Variants in PANK1 observed in about 807,000 individuals in gnomAD.
PANK1 encodes the protein pantothenate kinase 1, also known as pantothenic acid kinase 1.
In PANK1, 18 loss-of-function variants were observed where a neutral mutation model predicts 40.1. The ratio of observed to expected loss-of-function variants is 0.45; its 90% CI spans 0.31 to 0.67. The LOEUF (loss-of-function observed/expected upper bound fraction) is 0.67. Among genes scored for constraint, PANK1 ranks in the 30% least tolerant of loss-of-function variants. PANK1 has a pLI of 0.06. For synonymous variants in PANK1, 242 were observed against 237.7 expected (o/e 1.02, Z -0.17); for missense variants, 457 against 599.6 (o/e 0.76, Z 2.48).
At chr10:89,580,590 C>T (rs759235518), downstream of PANK1, 6 of 152,314 alleles carry the variant, frequency 3.9e-5, no homozygotes, top group Admixed American at 6.5e-5. Context: ...CTCCCTTCCT[C>T]TCCACTTAGT....
downstream of PANK1, chr10:89,580,228 C>A (rs1413277646): frequency 6.6e-6 from 1 of 151,580 alleles, no homozygotes; most frequent in Non-Finnish European, 1.5e-5. Context: ...TGCATGAGGT[C>A]TGGCACAATA....
chr10:89,594,623 G>A (rs1844510224), intron 3 of PANK1, among the ~76,000 whole-genome samples: 1 of 152,102 alleles, frequency 6.6e-6, no homozygotes. Flanking sequence ...TTTCCTAGTA[G>A]ACTCTCCAGA....
chr10:89,645,130 C>A lies in PANK1; in HGVS notation c.-239G>T. On this transcript the variant is annotated 5_prime_UTR_variant, in exon 1 of 7. Coordinates refer to ENST00000307534, the MANE Select transcript of PANK1 (RefSeq NM_148977.3). ...GGCGCCGGCCTGGAGCACGCCAGCC[C>A]CGGGCGCGGAATCGGGGATCCCCGC... 1.3e-6 allele frequency: 2 copies of A among 1,507,836 alleles called. No homozygotes were observed. The highest frequency in any genetic ancestry group is 1.8e-6 in the Non-Finnish European group (2 of 1,131,548). The allele number at this position is 1,507,836 out of a possible 1,614,324, so 93.4% of individuals were successfully genotyped here.
At chr10:89,632,322 T>C (rs971920492) in intron 1 of PANK1, among the ~76,000 whole-genome samples, 1 of 152,166 alleles carries the variant, frequency 6.6e-6, no homozygotes, top group African/African-American at 2.4e-5. Context: ...GAACCAAATA[T>C]ATCAAACTGT....
chr10:89,623,283 G>A (rs1028210258), intron 1 of PANK1, among the ~76,000 whole-genome samples: 6 of 152,032 alleles, frequency 3.9e-5, no homozygotes, highest in Non-Finnish European at 8.8e-5. Flanking sequence ...GTGCAGTGGC[G>A]CAATCTCGGC....
chr10:89,636,948 G>A (rs961143229), intron 1 of PANK1, among the ~76,000 whole-genome samples: 6 of 148,330 alleles, frequency 4.0e-5, no homozygotes, highest in Non-Finnish European at 7.5e-5. Flanking sequence ...TGCAAGCTCC[G>A]CCTCCCGGGT....
At chr10:89,601,876 A>G (rs141082303) in intron 2 of PANK1, among the ~76,000 whole-genome samples, 136 of 152,330 alleles carry the variant, frequency 8.9e-4, no homozygotes, top group African/African-American at 3.1e-3. Context: ...TGTAAACACT[A>G]TTTCCTCTGT....
At chr10:89,644,297 T>C (rs1842047577) in intron 1 of PANK1, among the ~76,000 whole-genome samples, 1 of 152,142 alleles carries the variant, frequency 6.6e-6, no homozygotes. Context: ...CAGCCACCAA[T>C]TAGAAGGGCG....
intron 2 of PANK1, among the ~76,000 whole-genome samples, chr10:89,602,092 G>A (rs1197805091): frequency 6.6e-6 from 1 of 152,182 alleles, no homozygotes. Flanking sequence ...GCCAGTCTTG[G>A]AAGTATAGGT....
intron 2 of PANK1, among the ~76,000 whole-genome samples, chr10:89,604,255 G>A (rs1256203933): frequency 1.3e-5 from 2 of 152,150 alleles, no homozygotes; most frequent in African/African-American, 4.8e-5. Flanking sequence ...TCTAATCAAT[G>A]TTAGCTTTGG....
chr10:89,619,802 T>C (rs779324746), intron 1 of PANK1, among the ~76,000 whole-genome samples: 1 of 152,040 alleles, frequency 6.6e-6, no homozygotes, highest in Non-Finnish European at 1.5e-5. Context: ...GTTAAGCAAA[T>C]CAACAAGGGG....
chr10:89,593,866 A>G lies in PANK1; in HGVS notation c.1023T>C (p.Ile341=). 6.2e-7 allele frequency: 1 copy of G among 1,614,004 alleles called. No homozygotes were observed. Among genetic ancestry groups the G allele is most frequent in the Non-Finnish European group, 8.5e-7 (1 of 1,179,862 alleles). Residue 341 remains isoleucine (I), a synonymous_variant, in exon 4 of 7, where the codon ATT becomes ATC. Transcript: ENST00000307534. ...STNVDKLVKD[I]YGGDYERFGL... Reference sequence around the variant, plus strand: ...CAAATCGTTCATAGTCTCCTCCGTAAATGTCCTTCACCAGTTTATCAACAT... The same window carrying G: ...CAAATCGTTCATAGTCTCCTCCGTAGATGTCCTTCACCAGTTTATCAACAT...
At chr10:89,601,435 C>T (rs985741113) in intron 2 of PANK1, among the ~76,000 whole-genome samples, 1 of 151,032 alleles carries the variant, frequency 6.6e-6, no homozygotes, top group Non-Finnish European at 1.5e-5. Flanking sequence ...GAGCCATGGT[C>T]GTGTCACTGC....
At chr10:89,608,094 C>T (rs1032648103) in intron 2 of PANK1, among the ~76,000 whole-genome samples, 3 of 149,114 alleles carry the variant, frequency 2.0e-5, no homozygotes, top group African/African-American at 7.5e-5. Flanking sequence ...TGCAGTGTTG[C>T]CATCTCAGCT....
At chr10:89,618,506 G>C (rs979442648) in intron 1 of PANK1, among the ~76,000 whole-genome samples, 20 of 152,192 alleles carry the variant, frequency 1.3e-4, no homozygotes, top group Non-Finnish European at 5.9e-5. Flanking sequence ...TTTGGGGAAG[G>C]AATGAATGTA....
Position 89,644,919 on chromosome 10 carries a change from G to T in PANK1, c.-28C>A, listed in dbSNP as rs1564643281. ...CGGGGGCTGGCGGGGCTGTGCGCGG[G>T]CCCCGGCTCAGGCGGCCTCGCTGGA... On this transcript the variant is annotated 5_prime_UTR_variant, in exon 1 of 7. Transcript: ENST00000307534. The T allele has an allele frequency of 6.5e-7, 1 of 1,544,580 alleles. No individual in the cohort carries two copies. Among genetic ancestry groups the T allele is most frequent in the Non-Finnish European group, 8.7e-7 (1 of 1,149,970 alleles).
chr10:89,602,654 C>T (rs138719166), intron 2 of PANK1, among the ~76,000 whole-genome samples: 35 of 152,268 alleles, frequency 2.3e-4, no homozygotes, highest in African/African-American at 8.4e-4. Context: ...CACTCTTTCT[C>T]GGGGCTTAGT....
Position 89,644,943 on chromosome 10 carries a change from G to T in PANK1, c.-52C>A. On this transcript the variant is annotated 5_prime_UTR_variant, in exon 1 of 7. Transcript: ENST00000307534. ...GGCCCCGGCTCAGGCGGCCTCGCTG[G>T]AGGTCATTCTCCGGCGTCTTTATTT... is the stretch of plus-strand genomic sequence containing the variant. 1 of 1,570,056 alleles carries T rather than the reference G, an allele frequency of 6.4e-7. No individual in the cohort carries two copies. The highest frequency in any genetic ancestry group is 1.2e-5 in the South Asian group (1 of 86,258).
intron 2 of PANK1, among the ~76,000 whole-genome samples, chr10:89,608,475 T>C (rs1000345129): frequency 6.6e-6 from 1 of 152,206 alleles, no homozygotes; most frequent in Non-Finnish European, 1.5e-5. Context: ...ATTTAATGAT[T>C]GTGTCATGGT....
Sources: gnomAD v4.1 joint callset for allele counts (sites outside exome capture counted in the v4.1 genomes callset) on GRCh38, gnomAD v4.1.1 for gene constraint, MANE v1.5 for transcripts, NCBI Gene and HGNC (gene_info 2026-07-23, HGNC 2026-07-21) for gene names.